The following BRK1 variants were observed in gnomAD, a reference collection of about 807,000 sequenced individuals.
BRK1 encodes BRICK1 subunit of SCAR/WAVE actin nucleating complex, also known as protein BRICK1.
A neutral mutation model predicts 9.9 loss-of-function variants in BRK1; 6 were observed. That is an observed-to-expected ratio of 0.60 (90% confidence interval 0.33 to 1.19). The LOEUF (loss-of-function observed/expected upper bound fraction) is 1.19. BRK1 is among the 50% of genes most tolerant of loss of function. BRK1 has a pLI of 0.04. For missense variants in BRK1, 62 were observed against 97.5 expected (o/e 0.64, Z 1.53); for synonymous variants, 44 against 31.9 (o/e 1.38, Z -1.28).
intron 1 of BRK1, among the ~76,000 whole-genome samples, chr3:10,122,237 A>G (rs1201715865): frequency 2.0e-5 from 3 of 152,018 alleles, no homozygotes; most frequent in South Asian, 2.1e-4. Context: ...GTAACTTTCA[A>G]TGGCTATTTT....
chr3:10,125,430 T>TAA (rs1315863684), intron 1 of BRK1, among the ~76,000 whole-genome samples, 196 bp from the exon 2 acceptor site: 2 of 152,124 alleles, frequency 1.3e-5, no homozygotes, highest in African/African-American at 2.4e-5. Flanking sequence ...GTGGGGCCGT[T>TAA]ATTCTCTACT....
Position 10,126,402 on chromosome 3 carries a change from C to A in BRK1, c.*107C>A. 3 of 1,007,634 alleles carry A rather than the reference C, an allele frequency of 3.0e-6. No homozygotes were observed. The highest frequency in any genetic ancestry group is 4.4e-6 in the Non-Finnish European group (3 of 677,296). 62.4% of individuals were successfully genotyped at this position (1,007,634 alleles called of 1,614,324 possible). A position where few individuals can be genotyped will look rare whatever the true frequency, so the allele number is the denominator to read the frequency against. On this transcript the variant is annotated 3_prime_UTR_variant, in exon 3 of 3. Transcript: ENST00000530758. ...CCTTTCTCCTTAAAGAGCAACAGGGCTTATTCTTGTTTTTCTTTTTTCAAA... is the reference window on the plus strand; with the variant it reads ...CCTTTCTCCTTAAAGAGCAACAGGGATTATTCTTGTTTTTCTTTTTTCAAA...
chr3:10,119,614 T>C (rs773648629), intron 1 of BRK1, among the ~76,000 whole-genome samples: 16 of 152,132 alleles, frequency 1.1e-4, no homozygotes, highest in Non-Finnish European at 1.9e-4. Context: ...TGAAAAGCAT[T>C]TACCTTGTGA....
At chr3:10,124,903 T>C (rs1695815927) in intron 1 of BRK1, among the ~76,000 whole-genome samples, 1 of 152,168 alleles carries the variant, frequency 6.6e-6, no homozygotes, top group African/African-American at 2.4e-5. Context: ...CCTTCACACT[T>C]GGAATCTCTT....
At chr3:10,122,389 C>A (rs1177119863) in intron 1 of BRK1, among the ~76,000 whole-genome samples, 3 of 151,974 alleles carry the variant, frequency 2.0e-5, no homozygotes, top group Admixed American at 6.6e-5. Context: ...AACCAAAGAC[C>A]AAGTACATGA....
intron 1 of BRK1, among the ~76,000 whole-genome samples, chr3:10,123,000 G>C (rs1381364254): frequency 1.3e-5 from 2 of 152,186 alleles, no homozygotes. Context: ...CATTGCGTGG[G>C]AGAGTCTCAG....
intron 1 of BRK1, among the ~76,000 whole-genome samples, chr3:10,121,282 A>T (rs1378313711): frequency 1.3e-5 from 2 of 152,238 alleles, no homozygotes; most frequent in Non-Finnish European, 2.9e-5. Context: ...CTGTAAGTAT[A>T]CTAAAAACCA....
At chr3:10,118,544 G>A (rs1015736602) in intron 1 of BRK1, among the ~76,000 whole-genome samples, 14 of 151,982 alleles carry the variant, frequency 9.2e-5, no homozygotes, top group South Asian at 2.1e-4. Flanking sequence ...CTGAAGTGCA[G>A]TGGCATGATC....
intron 1 of BRK1, among the ~76,000 whole-genome samples, chr3:10,121,463 C>G (rs1023522168): frequency 6.6e-6 from 1 of 152,080 alleles, no homozygotes; most frequent in Non-Finnish European, 1.5e-5. Flanking sequence ...CTCAGCTTAC[C>G]TAGACCTCAG....
chr3:10,122,046 T>C (rs897766748), intron 1 of BRK1, among the ~76,000 whole-genome samples: 2 of 151,884 alleles, frequency 1.3e-5, no homozygotes, highest in South Asian at 2.1e-4. Flanking sequence ...TGCGCCACCA[T>C]GCTTAGCTAA....
intron 1 of BRK1, among the ~76,000 whole-genome samples, chr3:10,117,444 A>G (rs566368791): frequency 2.2e-5 from 3 of 134,104 alleles, no homozygotes; most frequent in African/African-American, 8.8e-5. Context: ...CCCAGGCTGG[A>G]GTGCAGTGGC....
intron 1 of BRK1, among the ~76,000 whole-genome samples, chr3:10,122,231 C>T (rs1477762630): frequency 6.6e-6 from 1 of 152,006 alleles, no homozygotes; most frequent in Non-Finnish European, 1.5e-5. Context: ...CCACTTGTAA[C>T]TTTCAATGGC....
At chr3:10,122,398 G>C (rs1238388340) in intron 1 of BRK1, among the ~76,000 whole-genome samples, 1 of 152,056 alleles carries the variant, frequency 6.6e-6, no homozygotes, top group Non-Finnish European at 1.5e-5. Context: ...CCAAGTACAT[G>C]AATAACTTAC....
intron 1 of BRK1, 104 bp downstream of exon 1, chr3:10,115,923 G>T (rs1175321707): frequency 1.0e-5 from 9 of 904,030 alleles, no homozygotes; most frequent in African/African-American, 8.2e-5. Flanking sequence ...GCCTTCGGCT[G>T]TTGCGGGTTT....
At chr3:10,126,214 A>T in intron 2 of BRK1, 55 bp from the exon 3 acceptor site, 48 of 1,211,162 alleles carry the variant, frequency 4.0e-5, no homozygotes, top group Non-Finnish European at 5.2e-5. Flanking sequence ...TTTTTTTTAG[A>T]CCCCTCTAAT....
At chr3:10,125,769 A>T (rs1457786437) in intron 2 of BRK1, 61 bp downstream of exon 2, 4 of 1,268,962 alleles carry the variant, frequency 3.2e-6, no homozygotes, top group Non-Finnish European at 4.5e-6. Flanking sequence ...TTGCTGAAAA[A>T]AACCTGAAAG....
intron 1 of BRK1, among the ~76,000 whole-genome samples, chr3:10,125,197 C>T (rs545721895): frequency 6.6e-5 from 10 of 151,382 alleles, no homozygotes; most frequent in East Asian, 3.9e-4. Context: ...TTGCCCCCCC[C>T]GGTTCAAGTG....
chr3:10,122,153 C>T (rs948951240), intron 1 of BRK1, among the ~76,000 whole-genome samples: 1 of 151,456 alleles, frequency 6.6e-6, no homozygotes, highest in African/African-American at 2.4e-5. Flanking sequence ...TGAACTCCGA[C>T]CTCAGGTGAT....
intron 1 of BRK1, among the ~76,000 whole-genome samples, chr3:10,121,016 C>T (rs1559419342): frequency 6.6e-6 from 1 of 152,112 alleles, no homozygotes; most frequent in African/African-American, 2.4e-5. Flanking sequence ...TGGGCAGTTC[C>T]GACAGAAAGT....
Sources: gnomAD v4.1 joint callset for allele counts (sites outside exome capture counted in the v4.1 genomes callset) on GRCh38, gnomAD v4.1.1 for gene constraint, MANE v1.5 for transcripts, NCBI Gene and HGNC (gene_info 2026-07-23, HGNC 2026-07-21) for gene names.